NAP1L4: variants seen among roughly 807,000 people sequenced by gnomAD.
NAP1L4 encodes nucleosome assembly protein 1-like 4.
A neutral mutation model predicts 58.2 loss-of-function variants in NAP1L4; 15 were observed. The ratio of observed to expected loss-of-function variants is 0.26; its 90% CI spans 0.17 to 0.40. NAP1L4 has a LOEUF of 0.40. Ranked by LOEUF, NAP1L4 falls within the 10% of genes least tolerant of loss-of-function variation. The pLI, the probability that NAP1L4 is intolerant of heterozygous loss-of-function variation, is 1.00. For synonymous variants in NAP1L4, 171 were observed against 155.6 expected (o/e 1.10, Z -0.74); for missense variants, 384 against 451.1 (o/e 0.85, Z 1.35).
chr11:2,969,288 A>G (rs1485621708), intron 7 of NAP1L4, among the ~76,000 whole-genome samples: 1 of 152,052 alleles, frequency 6.6e-6, no homozygotes, highest in Admixed American at 6.6e-5. Flanking sequence ...CTTTTTTTAA[A>G]AAAAATAGAC....
chr11:2,972,057 G>A (rs772768989), intron 5 of NAP1L4, 45 bp downstream of exon 5: 10 of 1,477,968 alleles, frequency 6.8e-6, no homozygotes, highest in Non-Finnish European at 8.1e-6. Flanking sequence ...TAACACCTTC[G>A]TAAGCTGAAA....
Position 2,959,826 on chromosome 11 carries a change from T to C in NAP1L4, c.690A>G (p.Glu230=), listed in dbSNP as rs1396998143. ...VLTKTYKMKS[E]PDKADPFSFE... ...AGGAAAAGGGATCAGCCTTATCTGGTTCTGATTTCATCTTGTAGGTTTTTG... is the reference window on the plus strand; with the variant it reads ...AGGAAAAGGGATCAGCCTTATCTGGCTCTGATTTCATCTTGTAGGTTTTTG... Residue 230 remains glutamate, a synonymous_variant, in exon 9 of 16, where the codon GAA becomes GAG. Transcript: ENST00000380542. The surrounding 1 kb of genome is among the most constrained non-coding windows in gnomAD (Gnocchi z 4.9). 6.2e-7 allele frequency: 1 copy of C among 1,614,262 alleles called. No homozygotes were observed. The highest frequency in any genetic ancestry group is 1.1e-5 in the South Asian group (1 of 91,092).
chr11:2,952,567 G>T (rs1367282676), intron 12 of NAP1L4: 2 of 152,350 alleles, frequency 1.3e-5, no homozygotes, highest in Non-Finnish European at 2.9e-5. Context: ...GAACTTAGAA[G>T]GGCCCTACTG....
chr11:2,969,762 G>A (rs750929242), intron 7 of NAP1L4, 41 bp downstream of exon 7: 1 of 1,574,950 alleles, frequency 6.3e-7, no homozygotes, highest in Non-Finnish European at 8.6e-7. Flanking sequence ...AATGTTAGAA[G>A]ACTAGCACAT....
intron 1 of NAP1L4, 45 bp from the exon 2 acceptor site, chr11:2,979,282 ATGTT>A: frequency 2.0e-6 from 3 of 1,510,674 alleles, no homozygotes; most frequent in Non-Finnish European, 2.7e-6. Flanking sequence ...ATAAGCAAAA[ATGTT>A]TGTTCAATAT....
At chr11:2,962,057 A>C (rs1590232813) in intron 8 of NAP1L4, among the ~76,000 whole-genome samples, 1 of 152,362 alleles carries the variant, frequency 6.6e-6, no homozygotes, top group East Asian at 1.9e-4. Context: ...AAGCAACTAA[A>C]GAAATGCAAA....
At chr11:2,976,894 G>A (rs1216960726) in intron 3 of NAP1L4, among the ~76,000 whole-genome samples, 1 of 152,152 alleles carries the variant, frequency 6.6e-6, no homozygotes, top group Non-Finnish European at 1.5e-5. Context: ...CCCTCTTAAT[G>A]ACACAATACA....
intron 4 of NAP1L4, among the ~76,000 whole-genome samples, chr11:2,974,389 T>C (rs1016083853): frequency 2.0e-5 from 3 of 152,094 alleles, no homozygotes; most frequent in African/African-American, 7.2e-5. Context: ...ATAAACCTGA[T>C]CCCACTCAAG....
intron 4 of NAP1L4, 44 bp downstream of exon 4, chr11:2,975,980 T>G: frequency 6.6e-7 from 1 of 1,526,094 alleles, no homozygotes; most frequent in East Asian, 2.3e-5. Context: ...TATTTTCCTT[T>G]TGTTTCTCCA....
At chr11:2,991,590 G>C (rs1848970564) in intron 1 of NAP1L4, among the ~76,000 whole-genome samples, 1 of 152,088 alleles carries the variant, frequency 6.6e-6, no homozygotes, top group African/African-American at 2.4e-5. Context: ...ACGCCGCCCA[G>C]CTCGCTCCCA....
Position 2,959,818 on chromosome 11 carries a change from T to G in NAP1L4, c.698A>C (p.Lys233Thr). The G allele has an allele frequency of 6.2e-7, 1 of 1,614,248 alleles. No homozygotes were observed. The highest frequency in any genetic ancestry group is 8.5e-7 in the Non-Finnish European group (1 of 1,180,040). Residue 233 changes from lysine to threonine, a missense_variant, in exon 9 of 16, where the codon AAG (lysine) becomes ACG (threonine). Physicochemically the swap from Lys to Thr is moderately conservative, Grantham distance 78. Coordinates refer to ENST00000380542, the MANE Select transcript of NAP1L4 (RefSeq NM_005969.4). This position sits in a 1 kb window ranked among gnomAD's most constrained non-coding sequence, Gnocchi z 4.9. ...ACCTTCAAAGGAAAAGGGATCAGCC[T>G]TATCTGGTTCTGATTTCATCTTGTA... is the stretch of plus-strand genomic sequence containing the variant. ...KTYKMKSEPD[K>T]ADPFSFEGPE...
intron 7 of NAP1L4, among the ~76,000 whole-genome samples, chr11:2,965,312 G>A (rs746339637): frequency 9.2e-5 from 14 of 152,202 alleles, no homozygotes; most frequent in Non-Finnish European, 1.6e-4. Flanking sequence ...CACAAACCTC[G>A]ATAGTGCAGC....
chr11:2,971,381 C>A lies in NAP1L4; in HGVS notation c.402+67G>T, dbSNP rs952122547. 13 of 1,399,892 alleles carry A rather than the reference C, an allele frequency of 9.3e-6. No individual in the cohort carries two copies. The highest frequency in any genetic ancestry group is 7.0e-6 in the Non-Finnish European group (7 of 1,004,028). The allele number at this position is 1,399,892 out of a possible 1,614,324, so 86.7% of individuals were successfully genotyped here. ...CATAAGTTTACTAGTCATTAAAAATCATTAAAAAATGCTTATTTTTAACAG... is the reference window on the plus strand; with the variant it reads ...CATAAGTTTACTAGTCATTAAAAATAATTAAAAAATGCTTATTTTTAACAG... On this transcript the variant is annotated intron_variant, in intron 6 of 15. Transcript: ENST00000380542. This position sits in a 1 kb window ranked among gnomAD's most constrained non-coding sequence, Gnocchi z 4.2.
At position 2,948,055 on chromosome 11, in the gene NAP1L4, GGGGTGGCGTGGGA is replaced by G. The variant is rs1393311685; in HGVS notation, c.*32+1159_*32+1171del. 0.026 allele frequency among the ~76,000 whole-genome samples: 3 copies of G among 114 alleles called. No homozygotes were observed. Among genetic ancestry groups the G allele is most frequent in the East Asian group, 0.33 (2 of 6 alleles). 0.1% of individuals were successfully genotyped at this position (114 alleles called of 152,430 possible). On this transcript the variant is annotated intron_variant, in intron 15 of 15. Transcript: ENST00000380542. The surrounding 1 kb of genome is among the most constrained non-coding windows in gnomAD (Gnocchi z 5.1). ...CTTCAAAAGAGCTGGTGGCATGGGA[GGGGTGGCGTGGGA>G]GAGTGGGTGAGGGTACAGGTGGAAT...
At chr11:2,967,057 C>A (rs1847323025) in intron 7 of NAP1L4, among the ~76,000 whole-genome samples, 1 of 152,134 alleles carries the variant, frequency 6.6e-6, no homozygotes, top group Non-Finnish European at 1.5e-5. Flanking sequence ...TTCAACTATC[C>A]CCAAATTTAG....
intron 6 of NAP1L4, among the ~76,000 whole-genome samples, chr11:2,970,673 G>A (rs913233728): frequency 2.6e-5 from 4 of 152,168 alleles, no homozygotes; most frequent in Admixed American, 1.3e-4. Flanking sequence ...GGATTGTTAT[G>A]ATGAAATGAT....
At position 2,958,418 on chromosome 11, in the gene NAP1L4, G is replaced by C; in HGVS notation, c.873C>G (p.Asn291Lys). 1.2e-6 allele frequency: 2 copies of C among 1,613,846 alleles called. No individual in the cohort carries two copies. Among genetic ancestry groups the C allele is most frequent in the Non-Finnish European group, 1.7e-6 (2 of 1,179,908 alleles). ...TKQVPNESFFNFFNPLKASGD... is the reference protein window; with the variant it reads ...TKQVPNESFFKFFNPLKASGD... ...ACTTGCCTTTCAATGGATTGAAGAA[G>C]TTGAAAAAGGACTCATTGGGTACTT... The change falls in exon 10 of 16, where the codon AAC (asparagine) becomes AAG (lysine). Residue 291 changes from asparagine to lysine, a missense_variant. By Grantham distance (94) the Asn-to-Lys change is moderately conservative. Around this residue, in one of 3 missense-constraint regions of NAP1L4, gnomAD observed 296 missense variants for 360.8 expected, o/e 0.82. Transcript: ENST00000380542.
intron 1 of NAP1L4, among the ~76,000 whole-genome samples, chr11:2,988,775 G>T (rs1296263521): frequency 2.6e-5 from 4 of 152,274 alleles, no homozygotes; most frequent in African/African-American, 9.6e-5. Flanking sequence ...GGGGATACTT[G>T]TAAGAAACTT....
At chr11:2,957,009 A>G (rs1846584123) in intron 10 of NAP1L4, among the ~76,000 whole-genome samples, 1 of 152,208 alleles carries the variant, frequency 6.6e-6, no homozygotes, top group Non-Finnish European at 1.5e-5. Flanking sequence ...TAAATGTACA[A>G]CTTTATGACT....
Sources: gnomAD v4.1 joint callset for allele counts (sites outside exome capture counted in the v4.1 genomes callset) on GRCh38, gnomAD v4.1.1 for gene constraint, gnomAD v4.1.1 regional missense constraint, Gnocchi (gnomAD v3.1) non-coding constraint, MANE v1.5 for transcripts, NCBI Gene and HGNC (gene_info 2026-07-23, HGNC 2026-07-21) for gene names.